Variants in IGFBP2 observed in about 807,000 individuals in gnomAD.
The protein encoded by IGFBP2 is insulin-like growth factor-binding protein 2.
IGFBP2 carries 12 observed loss-of-function variants against 26.2 expected under a neutral mutation model. The observed-to-expected ratio is 0.46, with a 90% CI of 0.29 to 0.74. The LOEUF (loss-of-function observed/expected upper bound fraction) is 0.74, where lower values mean the gene tolerates loss of function less well. IGFBP2 is among the 30% of genes least tolerant of loss of function. The pLI is 0.09. For missense variants in IGFBP2, 328 were observed against 441.2 expected (o/e 0.74, Z 2.30); for synonymous variants, 189 against 200.6 (o/e 0.94, Z 0.49).
At chr2:216,635,758 G>C (rs972543548) in intron 1 of IGFBP2, among the ~76,000 whole-genome samples, 2 of 152,076 alleles carry the variant, frequency 1.3e-5, no homozygotes, top group African/African-American at 4.8e-5. Context: ...TGAAGGGGGT[G>C]GGGGGTAGTT....
In IGFBP2 at chr2:216,661,996, C is replaced by G; in HGVS notation, c.811C>G (p.Gln271Glu). The change falls in exon 3 of 4, where the codon CAG becomes GAG. Residue 271 changes from glutamine to glutamate, a missense_variant and splice_region_variant. Gln to Glu is a conservative substitution (Grantham distance 29). Transcript: ENST00000233809. ...CAAGCATGGCCTGTACAACCTCAAACAGGTGAGCATGGTGCCAGCCTGGGC... is the reference window on the plus strand; with the variant it reads ...CAAGCATGGCCTGTACAACCTCAAAGAGGTGAGCATGGTGCCAGCCTGGGC... ...CDKHGLYNLKQCKMSLNGQRG... is the reference protein window; with the variant it reads ...CDKHGLYNLKECKMSLNGQRG... 1 of 1,614,108 alleles carries G rather than the reference C, an allele frequency of 6.2e-7. No homozygotes were observed. The highest frequency in any genetic ancestry group is 1.7e-5 in the Admixed American group (1 of 60,028).
chr2:216,633,629 G>C lies in IGFBP2; in HGVS notation c.106G>C (p.Ala36Pro). The C allele has an allele frequency of 9.7e-7, 1 of 1,027,140 alleles. No homozygotes were observed. Among genetic ancestry groups the C allele is most frequent in the Non-Finnish European group, 1.2e-6 (1 of 859,778 alleles). The allele number at this position is 1,027,140 out of a possible 1,614,324, so 63.6% of individuals were successfully genotyped here. Residue 36 changes from alanine to proline, a missense_variant, in exon 1 of 4, where the codon GCG becomes CCG. Transcript: ENST00000233809. Reference sequence around the variant, plus strand: ...GAGTGGCGGCGGCGGCGGGGCGCGCGCGGAGGTGCTGTTCCGCTGCCCGCC... The same window carrying C: ...GAGTGGCGGCGGCGGCGGGGCGCGCCCGGAGGTGCTGTTCCGCTGCCCGCC... Reference protein sequence around the residue: ...GASGGGGGARAEVLFRCPPCT... With the variant: ...GASGGGGGARPEVLFRCPPCT...
rs753756878 is a variant in IGFBP2 at position 216,633,834 on chromosome 2, G to T, written c.311G>T (p.Arg104Leu). The T allele has an allele frequency of 5.2e-6, 8 of 1,538,976 alleles. No homozygotes were observed. Among genetic ancestry groups the T allele is most frequent in the Non-Finnish European group, 7.0e-6 (8 of 1,148,170 alleles). The change falls in exon 1 of 4, where the codon CGC becomes CTC. Residue 104 changes from arginine (R) to leucine (L), a missense_variant. Arg to Leu is a moderately radical substitution (Grantham distance 102). Transcript: ENST00000233809. ...EGEACGVYTP[R>L]CGQGLRCYPH... is the part of the protein sequence containing the mutation. Reference sequence around the variant, plus strand: ...GAGGCGTGCGGCGTCTACACCCCGCGCTGCGGCCAGGGGCTGCGCTGCTAT... The same window carrying T: ...GAGGCGTGCGGCGTCTACACCCCGCTCTGCGGCCAGGGGCTGCGCTGCTAT...
At chr2:216,643,043 A>T (rs941962553) in intron 1 of IGFBP2, among the ~76,000 whole-genome samples, 14 of 152,200 alleles carry the variant, frequency 9.2e-5, no homozygotes, top group Non-Finnish European at 1.8e-4. Flanking sequence ...GGCATGCTCA[A>T]GGGTGTGCAA....
In IGFBP2 at chr2:216,664,246, C is replaced by A; in HGVS notation, c.*142C>A. 1.6e-6 allele frequency: 1 copy of A among 621,076 alleles called. No homozygotes were observed. The highest frequency in any genetic ancestry group is 2.5e-6 in the Non-Finnish European group (1 of 393,384). 38.5% of individuals were successfully genotyped at this position (621,076 alleles called of 1,614,324 possible). On this transcript the variant is annotated 3_prime_UTR_variant, in exon 4 of 4. Coordinates refer to ENST00000233809, the MANE Select transcript of IGFBP2 (RefSeq NM_000597.3). This position sits in a 1 kb window ranked among gnomAD's most constrained non-coding sequence, Gnocchi z 4.6. ...TTTATATTTGGAAAGAGACCAGCAC[C>A]GAGCTCGGCACCTCCCCGGCCTCTC...
At chr2:216,653,616 A>G (rs1697866492) in intron 1 of IGFBP2, among the ~76,000 whole-genome samples, 1 of 152,192 alleles carries the variant, frequency 6.6e-6, no homozygotes. Flanking sequence ...AAAATGGGAC[A>G]ACGATCCATT....
chr2:216,658,019 T>C (rs1482326749), intron 1 of IGFBP2, among the ~76,000 whole-genome samples: 1 of 152,204 alleles, frequency 6.6e-6, no homozygotes, highest in African/African-American at 2.4e-5. Flanking sequence ...GTCATCAACG[T>C]AATTCTTGTT....
intron 2 of IGFBP2, 113 bp downstream of exon 2, chr2:216,660,899 A>G: frequency 1.3e-6 from 1 of 785,522 alleles, no homozygotes; most frequent in Non-Finnish European, 2.0e-6. Context: ...TAGGCAAAGC[A>G]CTTTTCTTTC....
intron 1 of IGFBP2, among the ~76,000 whole-genome samples, chr2:216,638,156 C>T (rs1265467403): frequency 6.6e-6 from 1 of 151,646 alleles, no homozygotes; most frequent in Non-Finnish European, 1.5e-5. Context: ...TCACTGCTCT[C>T]CAGCCCGGGC....
At chr2:216,644,354 G>A (rs2106193542) in intron 1 of IGFBP2, among the ~76,000 whole-genome samples, 1 of 152,290 alleles carries the variant, frequency 6.6e-6, no homozygotes, top group Non-Finnish European at 1.5e-5. Context: ...CCCTGGTGGA[G>A]TTGGCCTCTA....
At chr2:216,637,503 A>G (rs1298908139) in intron 1 of IGFBP2, among the ~76,000 whole-genome samples, 1 of 151,984 alleles carries the variant, frequency 6.6e-6, no homozygotes, top group Non-Finnish European at 1.5e-5. Flanking sequence ...AAATTTCCCT[A>G]CTCAGCTTCC....
intron 1 of IGFBP2, among the ~76,000 whole-genome samples, chr2:216,654,209 CAT>C (rs1373681227): frequency 6.6e-6 from 1 of 152,128 alleles, no homozygotes; most frequent in Non-Finnish European, 1.5e-5. Flanking sequence ...AACTTGGTAA[CAT>C]GTGATAATGC....
At chr2:216,636,241 C>T (rs1697492624) in intron 1 of IGFBP2, among the ~76,000 whole-genome samples, 1 of 152,132 alleles carries the variant, frequency 6.6e-6, no homozygotes, top group Non-Finnish European at 1.5e-5. Context: ...ACTCCATCTC[C>T]CGTCCCGTCT....
At chr2:216,635,764 T>A (rs1697482788) in intron 1 of IGFBP2, among the ~76,000 whole-genome samples, 1 of 150,852 alleles carries the variant, frequency 6.6e-6, no homozygotes, top group South Asian at 2.1e-4. Context: ...GGGTGGGGGG[T>A]AGTTGTCAGG....
intron 1 of IGFBP2, among the ~76,000 whole-genome samples, chr2:216,639,062 G>A (rs2106189337): frequency 7.6e-6 from 1 of 132,390 alleles, no homozygotes; most frequent in South Asian, 2.5e-4. Context: ...GCCCAGGCTG[G>A]AGTGCAGTCG....
intron 1 of IGFBP2, among the ~76,000 whole-genome samples, chr2:216,634,666 G>T (rs1472930903): frequency 1.3e-5 from 2 of 152,190 alleles, no homozygotes; most frequent in Non-Finnish European, 2.9e-5. Flanking sequence ...AAGCCCGATC[G>T]CCGGCTGCAT....
At position 216,652,050 on chromosome 2, in the gene IGFBP2, C is replaced by CAG. The variant is rs71278679; in HGVS notation, c.443-8507_443-8506insAG. 7.9e-3 allele frequency among the ~76,000 whole-genome samples: 1,202 copies of CAG among 152,240 alleles called. 9 individuals are homozygous for CAG. The highest frequency in any genetic ancestry group is 0.024 in the Middle Eastern group (7 of 294). On this transcript the variant is annotated intron_variant, in intron 1 of 3. Transcript: ENST00000233809. ...GTGCTGGGATTACAGGCATGAGCCA[C>CAG]CATGCCTGGCCACCACACATTTTTT...
At chr2:216,653,395 T>A (rs1256852647) in intron 1 of IGFBP2, among the ~76,000 whole-genome samples, 1 of 152,136 alleles carries the variant, frequency 6.6e-6, no homozygotes, top group Admixed American at 6.5e-5. Flanking sequence ...CAAAATTAGG[T>A]CTGAAAACCT....
chr2:216,640,378 C>T (rs1697587448), intron 1 of IGFBP2, among the ~76,000 whole-genome samples: 1 of 152,164 alleles, frequency 6.6e-6, no homozygotes, highest in Non-Finnish European at 1.5e-5. Flanking sequence ...GAAACCAAGG[C>T]ATAGAAGCGG....
Sources: gnomAD v4.1 joint callset for allele counts (sites outside exome capture counted in the v4.1 genomes callset) on GRCh38, gnomAD v4.1.1 for gene constraint, Gnocchi (gnomAD v3.1) non-coding constraint, MANE v1.5 for transcripts, NCBI Gene and HGNC (gene_info 2026-07-23, HGNC 2026-07-21) for gene names.